Variants in RAB6B observed in about 807,000 individuals in gnomAD.
RAB6B encodes ras-related protein Rab-6B.
In RAB6B, 7 loss-of-function variants were observed where a neutral mutation model predicts 31.2. The ratio of observed to expected loss-of-function variants is 0.22; its 90% CI spans 0.13 to 0.42. The LOEUF is 0.42. RAB6B is among the 10% of genes least tolerant of loss of function. The pLI is 1.00. For missense variants in RAB6B, 149 were observed against 280.6 expected, an observed-to-expected ratio of 0.53 and a Z score of 3.35; for synonymous variants, 105 against 104.9, an observed-to-expected ratio of 1.00 and a Z score of -0.01.
At position 133,828,467 on chromosome 3, in the gene RAB6B, A is replaced by C; in HGVS notation, c.*321T>G. ...CAAAAAGCACATCTTTCAAATAAAA[A>C]TGACTACATTTTTATCTGGCAAAAA... is the stretch of plus-strand genomic sequence containing the variant. On this transcript the variant is annotated 3_prime_UTR_variant, in exon 8 of 8. Transcript: ENST00000285208. 1 of 418,174 alleles carries C rather than the reference A, an allele frequency of 2.4e-6. No homozygotes were observed. The highest frequency in any genetic ancestry group is 4.3e-6 in the Non-Finnish European group (1 of 234,846). The allele number at this position is 418,174 out of a possible 1,614,324, so 25.9% of individuals were successfully genotyped here.
At chr3:133,879,018 T>C (rs1055232582) in intron 1 of RAB6B, among the ~76,000 whole-genome samples, 1 of 152,188 alleles carries the variant, frequency 6.6e-6, no homozygotes, top group African/African-American at 2.4e-5. Flanking sequence ...TGGGTTTTAA[T>C]CCTGGCTCTG....
At chr3:133,842,915 G>A (rs943840735) in intron 2 of RAB6B, among the ~76,000 whole-genome samples, 8 of 152,170 alleles carry the variant, frequency 5.3e-5, no homozygotes, top group South Asian at 4.1e-4. Flanking sequence ...TTAATTGTGT[G>A]GAATGCCATG....
intron 2 of RAB6B, 123 bp downstream of exon 2, chr3:133,864,461 C>A (rs1936207435): frequency 1.0e-6 from 1 of 959,516 alleles, no homozygotes; most frequent in Non-Finnish European, 1.7e-6. Flanking sequence ...GTGGGAAGCT[C>A]CTCCATAGCA....
Position 133,852,475 on chromosome 3 carries a change from CTTTTTT to C in RAB6B, c.130-10818_130-10813del, listed in dbSNP as rs5852767. ...GAGAAACCCTGATTTTTTTCTTTTT[CTTTTTT>C]TTTTTTTGAGACAGGGTCTCACTCT... On this transcript the variant is annotated intron_variant, in intron 2 of 7. Coordinates refer to ENST00000285208, the MANE Select transcript of RAB6B (RefSeq NM_016577.4). Among the ~76,000 whole-genome samples the C allele has an allele frequency of 2.8e-5, 4 of 142,480 alleles. No homozygotes were observed. In the East Asian group the frequency reaches 8.1e-4, roughly 29 times the overall value. 93.5% of individuals were successfully genotyped at this position (142,480 alleles called of 152,430 possible). A position where few individuals can be genotyped will look rare whatever the true frequency, so the allele number is the denominator to read the frequency against.
At chr3:133,841,557 T>C in intron 3 of RAB6B, 53 bp downstream of exon 3, 1 of 1,597,938 alleles carries the variant, frequency 6.3e-7, no homozygotes. Flanking sequence ...TCCTAGGGGA[T>C]AAGCCCAAAG....
intron 2 of RAB6B, among the ~76,000 whole-genome samples, chr3:133,851,842 T>C (rs986293741): frequency 3.3e-5 from 5 of 152,104 alleles, no homozygotes; most frequent in African/African-American, 1.2e-4. Context: ...GGTGATGAAA[T>C]AAAAGACGAC....
At chr3:133,870,596 A>G (rs1254440993) in intron 1 of RAB6B, among the ~76,000 whole-genome samples, 2 of 152,112 alleles carry the variant, frequency 1.3e-5, no homozygotes, top group Non-Finnish European at 2.9e-5. Context: ...TGACCATTAG[A>G]TGCTAGAGCT....
Position 133,832,609 on chromosome 3 carries a change from C to T in RAB6B, c.562+1966G>A, listed in dbSNP as rs533284039. 5.3e-4 allele frequency among the ~76,000 whole-genome samples: 81 copies of T among 152,328 alleles called. 1 individual carries two copies. The South Asian group carries it at 0.016, about 31-fold the overall frequency. ...GTGAGTAAGCAGAAATGCCAACACC[C>T]CATCCCGAAAGAAGCAGAATGACGG... On this transcript the variant is annotated intron_variant, in intron 7 of 7. Transcript: ENST00000285208.
intron 1 of RAB6B, 134 bp downstream of exon 1, chr3:133,895,263 C>T: frequency 1.0e-6 from 1 of 955,732 alleles, no homozygotes; most frequent in Middle Eastern, 2.7e-4. Context: ...CCCGACCTCC[C>T]CATCCCTGTC....
In RAB6B at chr3:133,887,389, C is replaced by T. The variant is rs538913539; in HGVS notation, c.70+8008G>A. Among the ~76,000 whole-genome samples the T allele has an allele frequency of 2.0e-5, 3 of 152,282 alleles. No homozygotes were observed. The East Asian group carries it at 5.8e-4, about 29-fold the overall frequency. ...GGTGTAGGGGGCCAGGAATGCCTCC[C>T]AGGAGAGGAGGTGGTAGGCTGGAGA... is the stretch of plus-strand genomic sequence containing the variant. On this transcript the variant is annotated intron_variant, in intron 1 of 7. Transcript: ENST00000285208.
chr3:133,855,655 A>G (rs932286936), intron 2 of RAB6B, among the ~76,000 whole-genome samples: 3 of 152,236 alleles, frequency 2.0e-5, no homozygotes, highest in Middle Eastern at 6.8e-3. Context: ...AGCAAAAGAT[A>G]CTCCAGGTGT....
chr3:133,864,470 C>T (rs949388054), intron 2 of RAB6B, 114 bp downstream of exon 2: 1 of 1,083,328 alleles, frequency 9.2e-7, no homozygotes. Context: ...TCCTCCATAG[C>T]AAAATGACAG....
chr3:133,891,493 A>G (rs951469185), intron 1 of RAB6B, among the ~76,000 whole-genome samples: 2 of 152,214 alleles, frequency 1.3e-5, no homozygotes, highest in Admixed American at 6.5e-5. Flanking sequence ...GAGGCGGGTC[A>G]GGCGCCCCTG....
chr3:133,857,288 A>T (rs1936094646), intron 2 of RAB6B, among the ~76,000 whole-genome samples: 1 of 152,164 alleles, frequency 6.6e-6, no homozygotes, highest in Non-Finnish European at 1.5e-5. Context: ...GGTTTAGGTG[A>T]TAGACGGGCT....
Position 133,828,669 on chromosome 3 carries a change from G to C in RAB6B, c.*119C>G, listed in dbSNP as rs948693933. ...ATCCCACCCTACTCCTAAAGACAGAGAGAAAAGAAAAATCCTCCCATCTTG... is the reference window on the plus strand; with the variant it reads ...ATCCCACCCTACTCCTAAAGACAGACAGAAAAGAAAAATCCTCCCATCTTG... On this transcript the variant is annotated 3_prime_UTR_variant, in exon 8 of 8. Coordinates refer to ENST00000285208, the MANE Select transcript of RAB6B (RefSeq NM_016577.4). The C allele has an allele frequency of 2.1e-5, 19 of 884,300 alleles. No homozygotes were observed. Among genetic ancestry groups the C allele is most frequent in the East Asian group, 1.7e-4 (6 of 34,354 alleles). The allele number at this position is 884,300 out of a possible 1,614,324, so 54.8% of individuals were successfully genotyped here.
chr3:133,880,809 CTCAT>C (rs1309797157), intron 1 of RAB6B, among the ~76,000 whole-genome samples: 4 of 152,236 alleles, frequency 2.6e-5, no homozygotes, highest in African/African-American at 7.2e-5. Flanking sequence ...TTCTAGACCT[CTCAT>C]TCAGTCAACA....
At chr3:133,869,281 G>T (rs540995374) in intron 1 of RAB6B, among the ~76,000 whole-genome samples, 1 of 152,250 alleles carries the variant, frequency 6.6e-6, no homozygotes, top group Non-Finnish European at 1.5e-5. Flanking sequence ...AAGCCAGACA[G>T]TGTGTGAGGA....
At chr3:133,886,573 G>A (rs772812103) in intron 1 of RAB6B, among the ~76,000 whole-genome samples, 1 of 152,132 alleles carries the variant, frequency 6.6e-6, no homozygotes, top group African/African-American at 2.4e-5. Flanking sequence ...GGGAGCTGGG[G>A]AAAACACTGG....
chr3:133,895,571 A>C lies in RAB6B; in HGVS notation c.-105T>G. 8.6e-7 allele frequency: 1 copy of C among 1,156,300 alleles called. No homozygotes were observed. The highest frequency in any genetic ancestry group is 1.3e-6 in the Non-Finnish European group (1 of 796,236). 71.6% of individuals were successfully genotyped at this position (1,156,300 alleles called of 1,614,324 possible). The stretch of plus-strand genomic sequence containing the variant: ...AGGCGGCCGGCGGTGCGGGAGCCGG[A>C]GGGGGAAGGGCTGGCTGCGCGCGTC... On this transcript the variant is annotated 5_prime_UTR_variant, in exon 1 of 8. Coordinates refer to ENST00000285208, the MANE Select transcript of RAB6B (RefSeq NM_016577.4).
Sources: allele counts gnomAD v4.1 joint callset (sites outside exome capture counted in the v4.1 genomes callset), GRCh38; gene constraint gnomAD v4.1.1; transcripts MANE v1.5; gene names NCBI Gene and HGNC (gene_info 2026-07-23, HGNC 2026-07-21).